KANK1: variants seen among roughly 807,000 people sequenced by gnomAD.
The protein encoded by KANK1 is KN motif and ankyrin repeat domain-containing protein 1.
Under a neutral mutation model 106.2 loss-of-function variants are expected in KANK1, and 109 were observed. The observed-to-expected ratio is 1.03, with a 90% CI of 0.88 to 1.20. The LOEUF is 1.20. Ranked by LOEUF, KANK1 falls within the 50% of genes most tolerant of loss-of-function variation. The pLI is 0.00. For synonymous variants in KANK1, 873 were observed against 652.2 expected (o/e 1.34, Z -5.16); for missense variants, 2,399 against 1,710.7 (o/e 1.40, Z -7.10).
chr9:618,645 A>G (rs1452055014), intron 1 of KANK1, among the ~76,000 whole-genome samples: 1 of 152,220 alleles, frequency 6.6e-6, no homozygotes, highest in African/African-American at 2.4e-5. Flanking sequence ...ACTGCTTCAC[A>G]TGCACAGTAG....
intron 2 of KANK1, among the ~76,000 whole-genome samples, chr9:703,334 T>G (rs1639894378): frequency 6.6e-6 from 1 of 151,974 alleles, no homozygotes; most frequent in African/African-American, 2.4e-5. Context: ...TCAATTAGTG[T>G]TAAGGGTGTT....
chr9:744,195 G>A (rs200822054), intron 10 of KANK1, among the ~76,000 whole-genome samples: 1 of 129,454 alleles, frequency 7.7e-6, no homozygotes, highest in Admixed American at 7.7e-5. Flanking sequence ...TAATTAATTA[G>A]AAGAAAAAAA....
chr9:526,412 G>C (rs1257368940), intron 1 of KANK1, among the ~76,000 whole-genome samples: 1 of 151,592 alleles, frequency 6.6e-6, no homozygotes, highest in South Asian at 2.1e-4. Flanking sequence ...TTGAATATTG[G>C]CTCTAGGACA....
chr9:659,969 T>C (rs1004347937), intron 1 of KANK1: 22 of 186,216 alleles, frequency 1.2e-4, no homozygotes, highest in Non-Finnish European at 2.3e-4. Flanking sequence ...CCATTTCCAC[T>C]GAGGAAAAAC....
At chr9:664,835 G>A (rs924662197) in intron 1 of KANK1, among the ~76,000 whole-genome samples, 4 of 152,240 alleles carry the variant, frequency 2.6e-5, no homozygotes, top group African/African-American at 7.2e-5. Context: ...TCACCAGCAT[G>A]TTATTCCCTG....
intron 10 of KANK1, 117 bp downstream of exon 10, chr9:742,522 G>C (rs1042212464): frequency 2.7e-6 from 2 of 749,750 alleles, no homozygotes; most frequent in African/African-American, 1.8e-5. Flanking sequence ...TCTGGGATTT[G>C]TGTCGCCATC....
intron 1 of KANK1, among the ~76,000 whole-genome samples, chr9:584,111 T>C (rs905410339): frequency 6.6e-6 from 1 of 152,126 alleles, no homozygotes; most frequent in Admixed American, 6.5e-5. Flanking sequence ...ATTACATATA[T>C]AATCAAAAAT....
rs148954863 is a variant in KANK1 at position 516,998 on chromosome 9, T to TACACACACACACACACACACACACAC, written c.-84+12248_-84+12273dup. 1.0e-3 allele frequency among the ~76,000 whole-genome samples: 147 copies of TACACACACACACACACACACACACAC among 145,544 alleles called. 1 individual carries two copies. Among genetic ancestry groups the TACACACACACACACACACACACACAC allele is most frequent in the South Asian group, 5.9e-3 (27 of 4,548 alleles). On this transcript the variant is annotated intron_variant, in intron 1 of 11. Coordinates refer to ENST00000382297, the MANE Select transcript of KANK1 (RefSeq NM_015158.5). ...GTGGTTTCTATTCTTCATCACCCTC[T>TACACACACACACACACACACACACAC]ACACACACACACACACACACACACA...
Position 531,827 on chromosome 9 carries a change from A to G in KANK1, c.-84+27073A>G, listed in dbSNP as rs918798148. On this transcript the variant is annotated intron_variant, in intron 1 of 11. Coordinates refer to ENST00000382297, the MANE Select transcript of KANK1 (RefSeq NM_015158.5). ...ACTCTGAAATAGCCCATATATCGGGAAAAAATGTGGCTGCTTCTGTGTGTG... is the reference window on the plus strand; with the variant it reads ...ACTCTGAAATAGCCCATATATCGGGGAAAAATGTGGCTGCTTCTGTGTGTG... Among the ~76,000 whole-genome samples the G allele has an allele frequency of 2.6e-4, 39 of 152,284 alleles. No individual in the cohort carries two copies. The South Asian group carries it at 3.7e-3, about 15-fold the overall frequency.
intron 1 of KANK1, among the ~76,000 whole-genome samples, chr9:634,863 G>T (rs767845816): frequency 1.3e-5 from 2 of 152,120 alleles, no homozygotes; most frequent in African/African-American, 4.8e-5. Context: ...GGTTCTTATT[G>T]TCACTTCACT....
At chr9:722,572 G>A (rs1313473674) in intron 3 of KANK1, among the ~76,000 whole-genome samples, 1 of 152,138 alleles carries the variant, frequency 6.6e-6, no homozygotes, top group Non-Finnish European at 1.5e-5. Context: ...TGCATGCGGT[G>A]CCTACAACTA....
At position 550,657 on chromosome 9, in the gene KANK1, T is replaced by C. The variant is rs1343227410; in HGVS notation, c.-84+45903T>C. 7.2e-5 allele frequency among the ~76,000 whole-genome samples: 11 copies of C among 152,214 alleles called. No homozygotes were observed. The East Asian group carries it at 1.9e-3, about 27-fold the overall frequency. ...TGTCAGAAAGTGATTTGTTCTTCTTTGTTGGATTAAATTCTCTCACGTGCA... is the reference window on the plus strand; with the variant it reads ...TGTCAGAAAGTGATTTGTTCTTCTTCGTTGGATTAAATTCTCTCACGTGCA... On this transcript the variant is annotated intron_variant, in intron 1 of 11. Transcript: ENST00000382297.
At chr9:484,271 C>G (rs1199263733) in intron 3 of KANK1, 1 of 152,224 alleles carries the variant, frequency 6.6e-6, no homozygotes, top group Non-Finnish European at 1.5e-5. Context: ...GAGGGCCCAT[C>G]TCTGTTTCAG....
At chr9:496,902 A>C (rs2058466090) in intron 3 of KANK1, among the ~76,000 whole-genome samples, 1 of 152,202 alleles carries the variant, frequency 6.6e-6, no homozygotes, top group South Asian at 2.1e-4. Flanking sequence ...TGACATACAC[A>C]TTCTGAATGC....
chr9:481,390 T>C (rs1366009854), intron 3 of KANK1, among the ~76,000 whole-genome samples: 1 of 152,224 alleles, frequency 6.6e-6, no homozygotes, highest in Non-Finnish European at 1.5e-5. Flanking sequence ...TTGCCGCTCC[T>C]GGACTAGCAA....
At chr9:564,205 G>T (rs1018147162) in intron 1 of KANK1, among the ~76,000 whole-genome samples, 1 of 151,736 alleles carries the variant, frequency 6.6e-6, no homozygotes, top group African/African-American at 2.4e-5. Flanking sequence ...GATTACAGAC[G>T]CCCGCCACCA....
At chr9:682,721 A>G (rs1395207737) in intron 2 of KANK1, among the ~76,000 whole-genome samples, 1 of 152,156 alleles carries the variant, frequency 6.6e-6, no homozygotes, top group African/African-American at 2.4e-5. Flanking sequence ...GTTAAAGGGC[A>G]CAATGTTTTC....
intron 3 of KANK1, among the ~76,000 whole-genome samples, chr9:479,077 A>G (rs1378130193): frequency 2.6e-5 from 4 of 152,054 alleles, no homozygotes; most frequent in African/African-American, 9.7e-5. Context: ...TAGATTTTTA[A>G]AATACTTCTC....
rs1587300030 is a variant in KANK1, at chr9:504,766, G to GCC, written c.-84+12_-84+13insCC. The GCC allele has an allele frequency of 1.4e-4, 5 of 34,586 alleles. No individual in the cohort carries two copies. In the East Asian group the frequency reaches 6.2e-3, roughly 43 times the overall value. 2.1% of individuals were successfully genotyped at this position (34,586 alleles called of 1,614,324 possible). A position where few individuals can be genotyped will look rare whatever the true frequency, so the allele number is the denominator to read the frequency against. On this transcript the variant is annotated intron_variant, in intron 1 of 11. Coordinates refer to ENST00000382297, the MANE Select transcript of KANK1 (RefSeq NM_015158.5). Reference sequence around the variant, plus strand: ...AGGAGCGGCCGAAGGTGAGTGACGCGGCGGGGCCGTGCCGCGCCCCGTGCC... The same window carrying GCC: ...AGGAGCGGCCGAAGGTGAGTGACGCGCCGCGGGGCCGTGCCGCGCCCCGTGCC...
Sources: allele counts gnomAD v4.1 joint callset (sites outside exome capture counted in the v4.1 genomes callset), GRCh38; gene constraint gnomAD v4.1.1; transcripts MANE v1.5; gene names NCBI Gene and HGNC (gene_info 2026-07-23, HGNC 2026-07-21).